The following WASHC5 variants were observed in gnomAD, a reference collection of about 807,000 sequenced individuals.
The protein encoded by WASHC5 is WASH complex subunit strumpellin.
WASHC5 carries 101 observed loss-of-function variants against 150.4 expected under a neutral mutation model. That is an observed-to-expected ratio of 0.67 (90% CI 0.57 to 0.79). The LOEUF is 0.79. WASHC5 is among the 30% of genes least tolerant of loss of function. The pLI, the probability that WASHC5 is intolerant of heterozygous loss-of-function variation, is 0.00. For missense variants in WASHC5, 1,195 were observed against 1,396.3 expected, an observed-to-expected ratio of 0.86 and a Z score of 2.30; for synonymous variants, 467 against 491.2, an observed-to-expected ratio of 0.95 and a Z score of 0.65.
intron 8 of WASHC5, among the ~76,000 whole-genome samples, chr8:125,074,365 A>G (rs1467500015): frequency 6.6e-6 from 1 of 152,212 alleles, no homozygotes; most frequent in Non-Finnish European, 1.5e-5. Flanking sequence ...TTTTGAGTCA[A>G]TATTGTTTTA....
intron 7 of WASHC5, among the ~76,000 whole-genome samples, 181 bp from the exon 8 acceptor site, chr8:125,075,292 T>C (rs1414391370): frequency 1.3e-5 from 2 of 152,198 alleles, no homozygotes; most frequent in Non-Finnish European, 2.9e-5. Context: ...TCCTGATTGT[T>C]AATTCACGTT....
intron 7 of WASHC5, 65 bp downstream of exon 7, chr8:125,076,283 C>A: frequency 6.6e-7 from 1 of 1,512,214 alleles, no homozygotes. Context: ...GGTTAAAGGC[C>A]AAAAGAATGG....
Position 125,056,942 on chromosome 8 carries a change from A to G in WASHC5, c.1876-125T>C, listed in dbSNP as rs541145550. 6.4e-6 allele frequency: 7 copies of G among 1,091,314 alleles called. No individual in the cohort carries two copies. In the East Asian group the frequency reaches 1.4e-4, roughly 23 times the overall value. The allele number at this position is 1,091,314 out of a possible 1,614,324, so 67.6% of individuals were successfully genotyped here. A position where few individuals can be genotyped will look rare whatever the true frequency, so the allele number is the denominator to read the frequency against. On this transcript the variant is annotated intron_variant, in intron 15 of 28. Transcript: ENST00000318410. The stretch of plus-strand genomic sequence containing the variant: ...TGAAAAATGTAAAAGAGCTGTTTTA[A>G]TAACTGCTGGCAGGCACAGGGCTCC...
rs375245284 is a variant in WASHC5 at position 125,082,334 on chromosome 8, C to T, written c.417+49G>A. ...TGACTTAAAAGAAAAAAAAGTGATA[C>T]TATGTTTGATATTCTTGAATTTCAT... On this transcript the variant is annotated intron_variant, in intron 4 of 28. Coordinates refer to ENST00000318410, the MANE Select transcript of WASHC5 (RefSeq NM_014846.4). The T allele has an allele frequency of 1.5e-5, 16 of 1,036,202 alleles. No individual in the cohort carries two copies. The South Asian group carries it at 1.9e-4, about 13-fold the overall frequency. The allele number at this position is 1,036,202 out of a possible 1,614,324, so 64.2% of individuals were successfully genotyped here. A position where few individuals can be genotyped will look rare whatever the true frequency, so the allele number is the denominator to read the frequency against.
rs112380903 is a variant in WASHC5, at chr8:125,075,262, C to G, written c.865-151G>C. On this transcript the variant is annotated intron_variant, in intron 7 of 28. Transcript: ENST00000318410. The stretch of plus-strand genomic sequence containing the variant: ...TTTTCCAAATATATAGGTAAGTGTT[C>G]CTGATTGTTAAGTAAGTGTTCCTGA... 4.5e-6 allele frequency: 3 copies of G among 666,922 alleles called. No individual in the cohort carries two copies. In the African/African-American group the frequency reaches 5.4e-5, roughly 12 times the overall value. The allele number at this position is 666,922 out of a possible 1,614,324, so 41.3% of individuals were successfully genotyped here.
At chr8:125,068,283 C>T (rs1413326805) in intron 9 of WASHC5, among the ~76,000 whole-genome samples, 2 of 152,230 alleles carry the variant, frequency 1.3e-5, no homozygotes, top group Non-Finnish European at 1.5e-5. Context: ...CGTTTTCCTT[C>T]TGGAAGTCTG....
rs1282711179 is a variant in WASHC5 at position 125,064,892 on chromosome 8, C to A, written c.1279-1241G>T. Among the ~76,000 whole-genome samples the A allele has an allele frequency of 4.6e-5, 7 of 152,100 alleles. No homozygotes were observed. In the East Asian group the frequency reaches 1.3e-3, roughly 29 times the overall value. On this transcript the variant is annotated intron_variant, in intron 10 of 28. Transcript: ENST00000318410. ...GAATCTTAGTGATCTGGCAGAATGA[C>A]TAACCAATAAAATGATGACGGAGAG... is the stretch of plus-strand genomic sequence containing the variant.
At chr8:125,086,898 C>T (rs377536010) in intron 1 of WASHC5, among the ~76,000 whole-genome samples, 3 of 152,296 alleles carry the variant, frequency 2.0e-5, no homozygotes, top group South Asian at 2.1e-4. Flanking sequence ...GAAGTGCCGA[C>T]GTGTGACTTG....
intron 12 of WASHC5, 115 bp downstream of exon 12, chr8:125,060,967 G>T (rs949219098): frequency 2.9e-6 from 2 of 692,920 alleles, no homozygotes; most frequent in Non-Finnish European, 5.4e-6. Context: ...AATTCACATC[G>T]CTTTTACTTC....
chr8:125,037,744 G>A (rs1277011229), intron 25 of WASHC5, among the ~76,000 whole-genome samples: 6 of 152,060 alleles, frequency 3.9e-5, no homozygotes, highest in Non-Finnish European at 5.9e-5. Context: ...AGAAGGAGAG[G>A]AGGAGGGAGA....
At chr8:125,048,147 T>G (rs1429906018) in intron 19 of WASHC5, among the ~76,000 whole-genome samples, 1 of 152,196 alleles carries the variant, frequency 6.6e-6, no homozygotes, top group Non-Finnish European at 1.5e-5. Context: ...AGAACTAAGA[T>G]GAGACATGGG....
At chr8:125,026,371 TTTGTC>T (rs1229419671) in intron 28 of WASHC5, among the ~76,000 whole-genome samples, 1 of 152,180 alleles carries the variant, frequency 6.6e-6, no homozygotes, top group Admixed American at 6.5e-5. Flanking sequence ...TATTTCCTCT[TTTGTC>T]TTTTGTTTTT....
intron 18 of WASHC5, 51 bp from the exon 19 acceptor site, chr8:125,049,236 T>G (rs1417263779): frequency 6.3e-7 from 1 of 1,583,222 alleles, no homozygotes; most frequent in South Asian, 1.1e-5. Flanking sequence ...GATTGTCAAC[T>G]ATTCGTTCTA....
chr8:125,045,483 A>T (rs1018233210), intron 20 of WASHC5, among the ~76,000 whole-genome samples: 1 of 152,230 alleles, frequency 6.6e-6, no homozygotes, highest in Non-Finnish European at 1.5e-5. Flanking sequence ...AGTCCCTGGT[A>T]GAGCTTGTCT....
chr8:125,037,385 C>T lies in WASHC5; in HGVS notation c.3085-52G>A, dbSNP rs79841680. The T allele has an allele frequency of 3.1e-3, 3,245 of 1,049,352 alleles. 59 individuals are homozygous for T. The African/African-American group carries it at 0.045, about 15-fold the overall frequency. 65.0% of individuals were successfully genotyped at this position (1,049,352 alleles called of 1,614,324 possible). On this transcript the variant is annotated intron_variant, in intron 25 of 28. Coordinates refer to ENST00000318410, the MANE Select transcript of WASHC5 (RefSeq NM_014846.4). ...GATGGTTAAATCACATTGCACAATA[C>T]CACAGAACAGGTTTCCAAATGAAAA...
chr8:125,084,108 T>C (rs1464686179), intron 1 of WASHC5, 86 bp from the exon 2 acceptor site: 1 of 556,886 alleles, frequency 1.8e-6, no homozygotes, highest in Non-Finnish European at 3.2e-6. Context: ...TCTCCCAAAC[T>C]CACTAAAAAA....
At chr8:125,066,321 A>C (rs549494941) in intron 10 of WASHC5, among the ~76,000 whole-genome samples, 1 of 152,334 alleles carries the variant, frequency 6.6e-6, no homozygotes, top group African/African-American at 2.4e-5. Context: ...TAGTATCCTC[A>C]GAAACCTAGA....
chr8:125,089,289 C>T (rs1459626126), intron 1 of WASHC5, among the ~76,000 whole-genome samples: 1 of 152,148 alleles, frequency 6.6e-6, no homozygotes, highest in Non-Finnish European at 1.5e-5. Flanking sequence ...TAGGATGAAA[C>T]TTTACACCAG....
At chr8:125,065,928 C>G (rs1816733656) in intron 10 of WASHC5, among the ~76,000 whole-genome samples, 1 of 152,122 alleles carries the variant, frequency 6.6e-6, no homozygotes, top group Admixed American at 6.6e-5. Flanking sequence ...GGCATTTCTT[C>G]CTTGCGGGCA....
Sources: allele counts gnomAD v4.1 joint callset (sites outside exome capture counted in the v4.1 genomes callset), GRCh38; gene constraint gnomAD v4.1.1; transcripts MANE v1.5; gene names NCBI Gene and HGNC (gene_info 2026-07-23, HGNC 2026-07-21).